The following AATF variants were observed in gnomAD, a reference collection of about 807,000 sequenced individuals.
AATF encodes protein AATF.
In AATF, 48 loss-of-function variants were observed where a neutral mutation model predicts 63.7. The observed-to-expected ratio is 0.75, with a 90% CI of 0.60 to 0.96. AATF has a LOEUF of 0.96. Ranked by LOEUF, AATF falls within the 40% of genes least tolerant of loss-of-function variation. AATF has a pLI of 0.00. For missense variants in AATF, 639 were observed against 685.7 expected, an observed-to-expected ratio of 0.93 and a Z score of 0.76; for synonymous variants, 258 against 247.7, an observed-to-expected ratio of 1.04 and a Z score of -0.39.
At chr17:37,015,768 A>C (rs987999151) in intron 8 of AATF, among the ~76,000 whole-genome samples, 9 of 152,290 alleles carry the variant, frequency 5.9e-5, no homozygotes, top group African/African-American at 2.2e-4. Context: ...GAAATTATAG[A>C]ATGGGATGTT....
chr17:37,015,880 A>C (rs1391965665), intron 8 of AATF, among the ~76,000 whole-genome samples: 2 of 152,084 alleles, frequency 1.3e-5, no homozygotes, highest in Admixed American at 1.3e-4. Context: ...GGTATCCTCT[A>C]TTCTGGAGCT....
chr17:36,987,153 A>ATTTTT (rs11286976), intron 5 of AATF, among the ~76,000 whole-genome samples: 1 of 121,374 alleles, frequency 8.2e-6, no homozygotes, highest in Non-Finnish European at 1.7e-5. Context: ...ATGCCTGGCT[A>ATTTTT]TTTTTTTTTT....
chr17:37,052,349 GA>G (rs2071759706), intron 11 of AATF: 1 of 152,226 alleles, frequency 6.6e-6, no homozygotes, highest in Non-Finnish European at 1.5e-5. Flanking sequence ...CAGCCGGGGG[GA>G]AATGTTTATG....
At chr17:37,001,585 G>A (rs2071298692) in intron 8 of AATF, among the ~76,000 whole-genome samples, 1 of 152,050 alleles carries the variant, frequency 6.6e-6, no homozygotes, top group Non-Finnish European at 1.5e-5. Flanking sequence ...AATATGGAAA[G>A]AAACCACATG....
rs955261124 is a variant in AATF at position 36,989,297 on chromosome 17, G to T, written c.1200G>T (p.Leu400=). The change falls in exon 7 of 12, where the codon CTG becomes CTT. Residue 400 remains leucine, a synonymous_variant. Coordinates refer to ENST00000619387, the MANE Select transcript of AATF (RefSeq NM_012138.4). Reference sequence around the variant, plus strand: ...TCTTGACTCAGATCGACCATATTCTGATGGACAAAGAGAGATTACTTCGAA... The same window carrying T: ...TCTTGACTCAGATCGACCATATTCTTATGGACAAAGAGAGATTACTTCGAA... The part of the protein sequence containing the change: ...RSILTQIDHI[L]MDKERLLRRT... 6.2e-7 allele frequency: 1 copy of T among 1,613,940 alleles called. No individual in the cohort carries two copies. The highest frequency in any genetic ancestry group is 1.7e-5 in the Admixed American group (1 of 60,028).
chr17:37,044,641 A>T (rs1193932588), intron 11 of AATF, among the ~76,000 whole-genome samples: 1 of 152,106 alleles, frequency 6.6e-6, no homozygotes, highest in Non-Finnish European at 1.5e-5. Flanking sequence ...CTTCCTATAA[A>T]TTATTACAGG....
chr17:36,986,310 G>A (rs1368253060), intron 4 of AATF, among the ~76,000 whole-genome samples: 1 of 152,162 alleles, frequency 6.6e-6, no homozygotes, highest in Non-Finnish European at 1.5e-5. Flanking sequence ...GAGAGGCCGG[G>A]GAGGAGTTTG....
At chr17:37,013,883 A>T (rs923071501) in intron 8 of AATF, among the ~76,000 whole-genome samples, 2 of 152,152 alleles carry the variant, frequency 1.3e-5, no homozygotes, top group Non-Finnish European at 2.9e-5. Context: ...TGCCTTGAAT[A>T]TATAAAATAA....
chr17:37,011,532 T>A (rs2071390953), intron 8 of AATF, among the ~76,000 whole-genome samples: 1 of 152,186 alleles, frequency 6.6e-6, no homozygotes, highest in African/African-American at 2.4e-5. Flanking sequence ...GGGTAACTCT[T>A]AGGTCATTGA....
chr17:36,998,069 G>T (rs148773980), intron 8 of AATF, among the ~76,000 whole-genome samples: 1 of 152,260 alleles, frequency 6.6e-6, no homozygotes, highest in East Asian at 1.9e-4. Flanking sequence ...TTGGGGACTC[G>T]TGGGGGAAGA....
At chr17:36,961,640 A>G (rs1597700904) in intron 4 of AATF, among the ~76,000 whole-genome samples, 1 of 152,214 alleles carries the variant, frequency 6.6e-6, no homozygotes, top group East Asian at 1.9e-4. Flanking sequence ...ATTCCCTGGA[A>G]ATGTAGTTGC....
intron 4 of AATF, among the ~76,000 whole-genome samples, chr17:36,973,410 A>C (rs947225982): frequency 1.3e-5 from 2 of 152,186 alleles, no homozygotes; most frequent in African/African-American, 4.8e-5. Context: ...CCCACTCACT[A>C]TGCATATGGT....
intron 11 of AATF, chr17:37,055,619 C>T (rs901038237): frequency 9.9e-5 from 15 of 151,082 alleles, no homozygotes; most frequent in African/African-American, 3.4e-4. Context: ...TTCTGGGGCT[C>T]CTGGCCCATG....
At chr17:37,019,107 G>T (rs777430650) in intron 9 of AATF, 35 bp downstream of exon 9, 3 of 1,564,984 alleles carry the variant, frequency 1.9e-6, no homozygotes, top group Admixed American at 1.7e-5. Flanking sequence ...CATGCAAGCA[G>T]CCTATGTAAT....
chr17:36,974,068 CAA>C (rs71159673), intron 4 of AATF, among the ~76,000 whole-genome samples: 9 of 121,728 alleles, frequency 7.4e-5, no homozygotes, highest in Admixed American at 8.8e-5. Context: ...GAGTCCATCT[CAA>C]AAAAAAAAAA....
chr17:36,999,770 G>A (rs2071280417), intron 8 of AATF, among the ~76,000 whole-genome samples: 1 of 152,184 alleles, frequency 6.6e-6, no homozygotes, highest in Non-Finnish European at 1.5e-5. Context: ...CTGAGGAAAT[G>A]ACAAACAGAG....
At chr17:37,016,269 A>G (rs917619904) in intron 8 of AATF, among the ~76,000 whole-genome samples, 1 of 152,198 alleles carries the variant, frequency 6.6e-6, no homozygotes. Flanking sequence ...AGATAAACTA[A>G]TGTGTTCAAT....
chr17:36,989,036 G>A (rs140378257), intron 6 of AATF, among the ~76,000 whole-genome samples: 200 of 152,146 alleles, frequency 1.3e-3, no homozygotes, highest in Middle Eastern at 3.4e-3. Flanking sequence ...GCTAATCTCC[G>A]TGTGTAGAAA....
chr17:37,003,734 T>C (rs989610689), intron 8 of AATF, among the ~76,000 whole-genome samples: 1 of 151,448 alleles, frequency 6.6e-6, no homozygotes, highest in African/African-American at 2.4e-5. Flanking sequence ...CCCAAAGTGC[T>C]GGGATTACAG....
Sources: gnomAD v4.1 joint callset for allele counts (sites outside exome capture counted in the v4.1 genomes callset) on GRCh38, gnomAD v4.1.1 for gene constraint, MANE v1.5 for transcripts, NCBI Gene and HGNC (gene_info 2026-07-23, HGNC 2026-07-21) for gene names.